NRG1: variants seen among roughly 807,000 people sequenced by gnomAD.
The protein encoded by NRG1 is pro-neuregulin-1, membrane-bound isoform.
Under a neutral mutation model 63.8 loss-of-function variants are expected in NRG1, and 18 were observed. The ratio of observed to expected loss-of-function variants is 0.28; its 90% confidence interval spans 0.19 to 0.42. The LOEUF is 0.42. Among genes scored for constraint, NRG1 ranks in the 10% least tolerant of loss-of-function variants. NRG1 has a pLI of 1.00. For missense variants in NRG1, 762 were observed against 814.7 expected (o/e 0.94, Z 0.79); for synonymous variants, 302 against 301.3 (o/e 1.00, Z -0.02).
intron 5 of NRG1, among the ~76,000 whole-genome samples, chr8:32,682,526 A>C (rs573777538): frequency 7.2e-5 from 11 of 152,226 alleles, no homozygotes; most frequent in Admixed American, 6.5e-4. Context: ...CCTGCTTTTA[A>C]TTTTTCTAAA....
In NRG1 at chr8:31,739,274, C is replaced by G. The variant is rs868714034; in HGVS notation, c.37+99843C>G. On this transcript the variant is annotated intron_variant, in intron 1 of 10. Transcript: ENST00000519301. ...TGACCACCCAGGCCTTTTCATCATGCTTGGTACATTCATGGAATGTTATCT... is the reference window on the plus strand; with the variant it reads ...TGACCACCCAGGCCTTTTCATCATGGTTGGTACATTCATGGAATGTTATCT... Among the ~76,000 whole-genome samples the G allele has an allele frequency of 3.2e-4, 49 of 152,152 alleles. 1 individual carries two copies. Among genetic ancestry groups the G allele is most frequent in the African/African-American group, 1.0e-3 (43 of 41,536 alleles).
upstream of NRG1, among the ~76,000 whole-genome samples, chr8:32,547,989 T>TCGGGTCTCCGCCTGGGTTCC (rs1353515597): frequency 4.6e-5 from 7 of 152,132 alleles, no homozygotes; most frequent in Non-Finnish European, 8.8e-5. Context: ...AGCGAGAGCC[T>TCGGGTCTCCGCCTGGGTTCC]CGGGTCTCCG....
chr8:32,001,395 C>G (rs1391562173), intron 1 of NRG1, among the ~76,000 whole-genome samples: 1 of 151,988 alleles, frequency 6.6e-6, no homozygotes, highest in African/African-American at 2.4e-5. Context: ...TTTGTTCCCC[C>G]TTTGCCTTCT....
intron 1 of NRG1, among the ~76,000 whole-genome samples, chr8:32,048,097 T>A (rs1204603794): frequency 1.3e-5 from 2 of 151,952 alleles, no homozygotes; most frequent in Non-Finnish European, 2.9e-5. Context: ...TTATTACAGT[T>A]GAATAGTATT....
At chr8:32,616,718 G>A in intron 4 of NRG1, 117 bp from the exon 5 acceptor site, 1 of 767,050 alleles carries the variant, frequency 1.3e-6, no homozygotes, top group East Asian at 2.5e-5. Flanking sequence ...CAGCTTCTCT[G>A]TTGCACGGTG....
chr8:32,254,316 A>G (rs1464928483), intron 1 of NRG1, among the ~76,000 whole-genome samples: 1 of 152,036 alleles, frequency 6.6e-6, no homozygotes, highest in Non-Finnish European at 1.5e-5. Context: ...GTGGGCATTT[A>G]GTGCTATAAA....
chr8:31,828,737 G>C (rs936473879), intron 1 of NRG1, among the ~76,000 whole-genome samples: 2 of 152,034 alleles, frequency 1.3e-5, no homozygotes, highest in Non-Finnish European at 2.9e-5. Context: ...GTATTTGCAG[G>C]GCAAACTCTC....
chr8:31,906,400 A>G (rs568299185), intron 1 of NRG1, among the ~76,000 whole-genome samples: 15 of 152,318 alleles, frequency 9.8e-5, no homozygotes, highest in African/African-American at 2.9e-4. Flanking sequence ...GAGGGACAAT[A>G]CAGTGTGTGG....
intron 1 of NRG1, among the ~76,000 whole-genome samples, chr8:32,255,582 T>G (rs1849606210): frequency 6.6e-6 from 1 of 152,226 alleles, no homozygotes; most frequent in Non-Finnish European, 1.5e-5. Flanking sequence ...TGGACTTTCT[T>G]GAAGAAATGG....
At chr8:32,266,143 G>A (rs1850909223) in intron 1 of NRG1, among the ~76,000 whole-genome samples, 1 of 152,134 alleles carries the variant, frequency 6.6e-6, no homozygotes, top group Non-Finnish European at 1.5e-5. Context: ...CCTTTTGGGT[G>A]GAATCTGAAC....
At chr8:32,500,393 T>A (rs1827728119) in intron 1 of NRG1, among the ~76,000 whole-genome samples, 1 of 152,184 alleles carries the variant, frequency 6.6e-6, no homozygotes, top group Non-Finnish European at 1.5e-5. Context: ...CTTACCCACC[T>A]GTAAGGCTAG....
At chr8:32,401,124 G>T (rs1813135021) in intron 1 of NRG1, among the ~76,000 whole-genome samples, 1 of 151,982 alleles carries the variant, frequency 6.6e-6, no homozygotes, top group Admixed American at 6.6e-5. Context: ...GGGAACGACA[G>T]ACACTGGGGC....
intron 1 of NRG1, among the ~76,000 whole-genome samples, chr8:31,854,977 T>C (rs1353081280): frequency 2.0e-5 from 3 of 152,164 alleles, no homozygotes; most frequent in African/African-American, 4.8e-5. Context: ...ATCTGAGAGA[T>C]AGTTTGTTAT....
At chr8:31,644,545 C>A (rs1350124528) in intron 1 of NRG1, among the ~76,000 whole-genome samples, 1 of 152,076 alleles carries the variant, frequency 6.6e-6, no homozygotes, top group African/African-American at 2.4e-5. Flanking sequence ...TTAAGTAAGA[C>A]TAGGAGCTTT....
intron 1 of NRG1, among the ~76,000 whole-genome samples, chr8:32,016,746 T>C (rs549277681): frequency 2.8e-4 from 43 of 152,178 alleles, no homozygotes; most frequent in African/African-American, 1.0e-3. Context: ...ACCAGCCATA[T>C]TAAAGGCCCG....
chr8:31,710,908 A>G (rs920085828), intron 1 of NRG1, among the ~76,000 whole-genome samples: 2 of 151,900 alleles, frequency 1.3e-5, no homozygotes, highest in Non-Finnish European at 2.9e-5. Context: ...ACAGTCTTTC[A>G]TTATGTTGTC....
At chr8:32,169,465 C>T (rs888028504) in intron 1 of NRG1, among the ~76,000 whole-genome samples, 23 of 152,148 alleles carry the variant, frequency 1.5e-4, no homozygotes, top group Non-Finnish European at 2.8e-4. Flanking sequence ...AAAATAAGTT[C>T]TCATATTACT....
intron 6 of NRG1, among the ~76,000 whole-genome samples, chr8:32,737,136 A>G (rs1464369384): frequency 6.6e-6 from 1 of 152,250 alleles, no homozygotes; most frequent in Non-Finnish European, 1.5e-5. Flanking sequence ...TAGTATTTAA[A>G]TTCAAGATAA....
At chr8:31,653,273 T>C (rs1462351649) in intron 1 of NRG1, among the ~76,000 whole-genome samples, 2 of 152,110 alleles carry the variant, frequency 1.3e-5, no homozygotes, top group Non-Finnish European at 2.9e-5. Flanking sequence ...AAGTACTATG[T>C]CTTACTTATC....
Sources: gnomAD v4.1 joint callset for allele counts (sites outside exome capture counted in the v4.1 genomes callset) on GRCh38, gnomAD v4.1.1 for gene constraint, MANE v1.5 for transcripts, NCBI Gene and HGNC (gene_info 2026-07-23, HGNC 2026-07-21) for gene names.